Variants in TET1 observed in about 807,000 individuals in gnomAD.
TET1 encodes methylcytosine dioxygenase TET1.
In TET1, 13 loss-of-function variants were observed where a neutral mutation model predicts 148.7. That is an observed-to-expected ratio of 0.09 (90% CI 0.06 to 0.14). The LOEUF (loss-of-function observed/expected upper bound fraction) is 0.14. TET1 is among the 10% of genes least tolerant of loss of function. The pLI, the probability that TET1 is intolerant of heterozygous loss-of-function variation, is 1.00. For synonymous variants in TET1, 907 were observed against 937.2 expected, an observed-to-expected ratio of 0.97 and a Z score of 0.59; for missense variants, 2,182 against 2,553.8, an observed-to-expected ratio of 0.85 and a Z score of 3.14.
At chr10:68,585,284 G>A (rs913116908) in intron 2 of TET1, among the ~76,000 whole-genome samples, 18 of 152,102 alleles carry the variant, frequency 1.2e-4, no homozygotes, top group African/African-American at 4.1e-4. Flanking sequence ...GATTACAGGC[G>A]TGAGGCACTG....
At position 68,574,055 on chromosome 10, in the gene TET1, T is replaced by A; in HGVS notation, c.1717T>A (p.Ser573Thr). ...GCCAGTGCCAATGGTCAGTACCTCC[T>A]CTTCTTCCTATACCACTTTGCTACC... ...TMPVPMVSTS[S>T]SSYTTLLPTL... is the part of the protein sequence containing the mutation. Residue 573 changes from serine (S) to threonine (T), a missense_variant, in exon 2 of 12, where the codon TCT (serine) becomes ACT (threonine). By Grantham distance (58) the Ser-to-Thr change is moderately conservative. This residue lies in a region of TET1 where 665 missense variants were observed against 672.4 expected (regional missense o/e 0.99). Transcript: ENST00000373644. 1 of 1,614,190 alleles carries A rather than the reference T, an allele frequency of 6.2e-7. No homozygotes were observed.
chr10:68,660,410 G>T (rs1487407898), intron 6 of TET1, among the ~76,000 whole-genome samples: 2 of 149,568 alleles, frequency 1.3e-5, no homozygotes, highest in Non-Finnish European at 3.0e-5. Flanking sequence ...CACAATCTGG[G>T]CTTACTGCGA....
intron 3 of TET1, among the ~76,000 whole-genome samples, chr10:68,639,236 A>G (rs1489723315): frequency 6.6e-6 from 1 of 151,804 alleles, no homozygotes; most frequent in African/African-American, 2.4e-5. Context: ...AGCCTGGCCA[A>G]CATGGCAAAA....
chr10:68,593,273 A>G (rs1034569193), intron 2 of TET1, among the ~76,000 whole-genome samples: 3 of 150,340 alleles, frequency 2.0e-5, no homozygotes, highest in African/African-American at 7.3e-5. Flanking sequence ...ATCAACATAC[A>G]TTACATTGTT....
intron 1 of TET1, among the ~76,000 whole-genome samples, 183 bp downstream of exon 1, chr10:68,560,925 G>A (rs1226037392): frequency 1.3e-5 from 2 of 152,178 alleles, no homozygotes; most frequent in African/African-American, 4.8e-5. Flanking sequence ...ACCCCGGGAC[G>A]CTCGGGACGC....
rs6480345 is a variant in TET1, at chr10:68,602,351, C to T, written c.1968+1317C>T. On this transcript the variant is annotated intron_variant, in intron 3 of 11. Coordinates refer to ENST00000373644, the MANE Select transcript of TET1 (RefSeq NM_030625.3). ...AGAGATAGAAGTTTATCATTAAAAG[C>T]TCCTTCTATACTTTCTGTGTTGGCT... Among the ~76,000 whole-genome samples the T allele has an allele frequency of 2.2e-3, 342 of 152,266 alleles. 3 individuals carry two copies. Among genetic ancestry groups the T allele is most frequent in the African/African-American group, 8.1e-3 (337 of 41,564 alleles).
chr10:68,592,569 C>G (rs1478608382), intron 2 of TET1, among the ~76,000 whole-genome samples: 1 of 151,876 alleles, frequency 6.6e-6, no homozygotes, highest in African/African-American at 2.4e-5. Flanking sequence ...CCTTGCTACC[C>G]AAGTGGTGGC....
intron 1 of TET1, among the ~76,000 whole-genome samples, chr10:68,565,661 A>T (rs1401121939): frequency 2.6e-5 from 4 of 151,988 alleles, no homozygotes. Flanking sequence ...AATGGAGTGG[A>T]CTACATTCTC....
At position 68,573,181 on chromosome 10, in the gene TET1, G is replaced by C. The variant is rs778934587; in HGVS notation, c.843G>C (p.Lys281Asn). The C allele has an allele frequency of 1.2e-6, 2 of 1,614,114 alleles. No homozygotes were observed. Among genetic ancestry groups the C allele is most frequent in the East Asian group, 4.5e-5 (2 of 44,880 alleles). The change falls in exon 2 of 12, where the codon AAG (lysine) becomes AAC (asparagine). Residue 281 changes from lysine to asparagine, a missense_variant. Physicochemically the swap from Lys to Asn is moderately conservative, Grantham distance 94. Coordinates refer to ENST00000373644, the MANE Select transcript of TET1 (RefSeq NM_030625.3). ...EELGSRVESLKLSDSYLDPIK... is the reference protein window; with the variant it reads ...EELGSRVESLNLSDSYLDPIK... The stretch of plus-strand genomic sequence containing the variant: ...TGGGTTCACGAGTAGAATCTCTTAA[G>C]TTATCTGATTCTTACCTGGATCCCA...
intron 2 of TET1, among the ~76,000 whole-genome samples, chr10:68,594,984 A>C (rs1213720361): frequency 6.6e-6 from 1 of 150,568 alleles, no homozygotes; most frequent in East Asian, 1.9e-4. Context: ...CCATCTCAAA[A>C]AAAAAAAAAA....
intron 2 of TET1, among the ~76,000 whole-genome samples, chr10:68,596,712 G>A (rs564021550): frequency 6.8e-4 from 103 of 152,246 alleles, no homozygotes; most frequent in African/African-American, 2.2e-3. Flanking sequence ...ATAGATCTTC[G>A]TGGTGAAGCA....
chr10:68,692,993 C>T lies in TET1; in HGVS notation c.*1179C>T, dbSNP rs1231653053. The stretch of plus-strand genomic sequence containing the variant: ...TTGAAAACAAATTCCCTACTATCAT[C>T]ACATGCCTCCCCAACCCCAAGTCAA... On this transcript the variant is annotated 3_prime_UTR_variant, in exon 12 of 12. Transcript: ENST00000373644. The T allele has an allele frequency of 1.3e-5, 3 of 230,408 alleles. No individual in the cohort carries two copies. Among genetic ancestry groups the T allele is most frequent in the Non-Finnish European group, 2.6e-5 (3 of 116,988 alleles). 14.3% of individuals were successfully genotyped at this position (230,408 alleles called of 1,614,324 possible).
At chr10:68,593,798 G>C (rs2053946776) in intron 2 of TET1, among the ~76,000 whole-genome samples, 2 of 151,472 alleles carry the variant, frequency 1.3e-5, no homozygotes, top group South Asian at 4.2e-4. Flanking sequence ...ATTTTTAGTA[G>C]AGACAGGGTT....
chr10:68,664,210 A>C (rs1428845884), intron 6 of TET1, among the ~76,000 whole-genome samples: 2 of 151,592 alleles, frequency 1.3e-5, no homozygotes, highest in Non-Finnish European at 2.9e-5. Context: ...CTCATCATCT[A>C]TTTTCATATT....
intron 3 of TET1, among the ~76,000 whole-genome samples, chr10:68,624,821 T>C (rs189807561): frequency 1.3e-5 from 2 of 148,236 alleles, no homozygotes; most frequent in Non-Finnish European, 1.5e-5. Context: ...AAGCTCCGCC[T>C]TCCGGGTTCA....
chr10:68,693,136 G>A lies in TET1; in HGVS notation c.*1322G>A, dbSNP rs1438252013. The A allele has an allele frequency of 1.3e-5, 3 of 229,932 alleles. No individual in the cohort carries two copies. Among genetic ancestry groups the A allele is most frequent in the Non-Finnish European group, 2.6e-5 (3 of 117,088 alleles). The allele number at this position is 229,932 out of a possible 1,614,324, so 14.2% of individuals were successfully genotyped here. On this transcript the variant is annotated 3_prime_UTR_variant, in exon 12 of 12. Transcript: ENST00000373644. ...CTCATCTTTTCTGATAATTGCCTATGTTCTAGGTAACAGGAAAACAGGCAT... is the reference window on the plus strand; with the variant it reads ...CTCATCTTTTCTGATAATTGCCTATATTCTAGGTAACAGGAAAACAGGCAT...
At chr10:68,628,957 T>G (rs1432634751) in intron 3 of TET1, among the ~76,000 whole-genome samples, 3 of 152,230 alleles carry the variant, frequency 2.0e-5, no homozygotes, top group African/African-American at 7.2e-5. Context: ...AAACTGACTT[T>G]GTGATTTCAT....
rs2054056253 is a variant in TET1 at position 68,601,573 on chromosome 10, T to C, written c.1968+539T>C. Among the ~76,000 whole-genome samples, 6 of 152,244 alleles carry C rather than the reference T, an allele frequency of 3.9e-5. No individual in the cohort carries two copies. In the South Asian group the frequency reaches 1.2e-3, roughly 31 times the overall value. On this transcript the variant is annotated intron_variant, in intron 3 of 11. Transcript: ENST00000373644. ...TTTAATTTTGGCTTTCATGAAGCCA[T>C]AAGAATATGCATGTTTTCTTTATTT... is the stretch of plus-strand genomic sequence containing the variant.
At chr10:68,642,367 G>A (rs529538721) in intron 3 of TET1, among the ~76,000 whole-genome samples, 46 of 152,090 alleles carry the variant, frequency 3.0e-4, no homozygotes, top group Non-Finnish European at 2.4e-4. Context: ...CTGGGAGTTC[G>A]AGGCTACAGT....
Sources: allele counts gnomAD v4.1 joint callset (sites outside exome capture counted in the v4.1 genomes callset), GRCh38; gene constraint gnomAD v4.1.1; regional missense constraint gnomAD v4.1.1; transcripts MANE v1.5; gene names NCBI Gene and HGNC (gene_info 2026-07-23, HGNC 2026-07-21).